The following CSMD1 variants were observed in gnomAD, a reference collection of about 807,000 sequenced individuals.
CSMD1 encodes the protein CUB and Sushi multiple domains 1, also known as CUB and sushi domain-containing protein 1.
Under a neutral mutation model 417.5 loss-of-function variants are expected in CSMD1, and 213 were observed. That is an observed-to-expected ratio of 0.51 (90% CI 0.46 to 0.57). The LOEUF is 0.57. CSMD1 is among the 20% of genes least tolerant of loss of function. The pLI, the probability that CSMD1 is intolerant of heterozygous loss-of-function variation, is 0.00. For missense variants in CSMD1, 6,923 were observed against 4,529.7 expected, an observed-to-expected ratio of 1.53 and a Z score of -15.17; for synonymous variants, 2,862 against 1,736.8, an observed-to-expected ratio of 1.65 and a Z score of -16.11.
intron 5 of CSMD1, among the ~76,000 whole-genome samples, chr8:3,941,843 C>A (rs1182979484): frequency 1.3e-5 from 2 of 152,018 alleles, no homozygotes; most frequent in African/African-American, 2.4e-5. Context: ...TTCCTTAAAC[C>A]AAAAGGGTCC....
Position 2,955,642 on chromosome 8 carries a change from T to C in CSMD1, c.9941A>G (p.His3314Arg). 1 of 1,613,942 alleles carries C rather than the reference T, an allele frequency of 6.2e-7. No individual in the cohort carries two copies. Among genetic ancestry groups the C allele is most frequent in the Non-Finnish European group, 8.5e-7 (1 of 1,179,844 alleles). Reference protein sequence around the residue: ...PGFFLAGGSEHRTCKADMKWT... With the variant: ...PGFFLAGGSERRTCKADMKWT... ...TTTCATGTCTGCTTTACATGTTCTGTGCTCAGATCCCCCTGCGAGGAAAAA... is the reference window on the plus strand; with the variant it reads ...TTTCATGTCTGCTTTACATGTTCTGCGCTCAGATCCCCCTGCGAGGAAAAA... Residue 3314 changes from histidine (H) to arginine (R), a missense_variant, in exon 64 of 70, where the codon CAC (histidine) becomes CGC (arginine). Physicochemically the swap from His to Arg is conservative, Grantham distance 29. Transcript: ENST00000635120.
chr8:4,500,277 G>A (rs1802193711), intron 2 of CSMD1, among the ~76,000 whole-genome samples: 1 of 152,158 alleles, frequency 6.6e-6, no homozygotes, highest in African/African-American at 2.4e-5. Context: ...GTCAGCGAGT[G>A]TCAATTATGC....
intron 12 of CSMD1, among the ~76,000 whole-genome samples, chr8:3,412,257 G>T (rs1812859364): frequency 6.6e-6 from 1 of 151,184 alleles, no homozygotes; most frequent in Non-Finnish European, 1.5e-5. Context: ...CATTTGGGTT[G>T]GTTCCACATT....
intron 1 of CSMD1, among the ~76,000 whole-genome samples, chr8:4,757,552 A>G (rs1172985602): frequency 6.6e-6 from 1 of 152,160 alleles, no homozygotes; most frequent in Non-Finnish European, 1.5e-5. Flanking sequence ...GGTGACACAG[A>G]CTATTCTGGA....
At chr8:3,435,067 C>A (rs1200492027) in intron 12 of CSMD1, among the ~76,000 whole-genome samples, 3 of 152,042 alleles carry the variant, frequency 2.0e-5, no homozygotes, top group African/African-American at 7.2e-5. Context: ...CTGGTGGGAG[C>A]TGCTACCTTT....
chr8:3,384,218 T>C (rs1188834802), intron 18 of CSMD1, among the ~76,000 whole-genome samples: 2 of 152,154 alleles, frequency 1.3e-5, no homozygotes, highest in African/African-American at 2.4e-5. Flanking sequence ...AAAATGGTTG[T>C]CTGAGAGATA....
intron 12 of CSMD1, among the ~76,000 whole-genome samples, chr8:3,425,644 C>T (rs942706254): frequency 2.0e-5 from 3 of 151,526 alleles, no homozygotes; most frequent in Non-Finnish European, 2.9e-5. Flanking sequence ...TGCCCTGTCC[C>T]AGCAGCAGGG....
intron 37 of CSMD1, among the ~76,000 whole-genome samples, chr8:3,173,410 A>G (rs1350419237): frequency 6.6e-6 from 1 of 152,222 alleles, no homozygotes; most frequent in Admixed American, 6.5e-5. Context: ...TGAGAGAGAC[A>G]TGAATAATCT....
chr8:3,519,148 C>A (rs1055003611), intron 10 of CSMD1, among the ~76,000 whole-genome samples: 1 of 152,118 alleles, frequency 6.6e-6, no homozygotes, highest in Non-Finnish European at 1.5e-5. Flanking sequence ...AAAAACATAC[C>A]TATTTAATAA....
intron 1 of CSMD1, among the ~76,000 whole-genome samples, chr8:4,988,828 G>A (rs10088814): frequency 2.6e-5 from 4 of 152,140 alleles, no homozygotes; most frequent in African/African-American, 9.7e-5. Flanking sequence ...TCTGCTGGAG[G>A]GAAAAAACAA....
At chr8:4,842,273 C>G (rs144024060) in intron 1 of CSMD1, among the ~76,000 whole-genome samples, 12 of 152,268 alleles carry the variant, frequency 7.9e-5, no homozygotes, top group African/African-American at 2.6e-4. Context: ...TATGAATCTT[C>G]CAGATGCATT....
intron 5 of CSMD1, among the ~76,000 whole-genome samples, chr8:3,984,629 A>G (rs1421480125): frequency 8.7e-5 from 13 of 149,372 alleles, no homozygotes; most frequent in Admixed American, 8.1e-4. Context: ...TTTCATTTGA[A>G]CAAAATGCCA....
chr8:3,561,876 C>A (rs2116864746), intron 10 of CSMD1, among the ~76,000 whole-genome samples: 1 of 152,296 alleles, frequency 6.6e-6, no homozygotes, highest in Admixed American at 6.5e-5. Flanking sequence ...CAGGGGCTAG[C>A]ATTCACAGAC....
chr8:4,813,573 T>A (rs1486834088), intron 1 of CSMD1, among the ~76,000 whole-genome samples: 1 of 152,156 alleles, frequency 6.6e-6, no homozygotes, highest in East Asian at 1.9e-4. Context: ...TAGAGAAACA[T>A]GTTCATCAAA....
At chr8:4,275,380 T>C (rs1367503350) in intron 3 of CSMD1, among the ~76,000 whole-genome samples, 1 of 152,198 alleles carries the variant, frequency 6.6e-6, no homozygotes, top group African/African-American at 2.4e-5. Flanking sequence ...AGGAATCATC[T>C]TTAATGTTTT....
At chr8:4,450,527 T>G (rs575844004) in intron 2 of CSMD1, among the ~76,000 whole-genome samples, 3 of 152,166 alleles carry the variant, frequency 2.0e-5, no homozygotes, top group South Asian at 2.1e-4. Flanking sequence ...GCCAGCTACT[T>G]GGGAGGCTGA....
Position 3,541,497 on chromosome 8 carries a change from C to G in CSMD1, c.1344+33448G>C, listed in dbSNP as rs556136507. ...GTTCATGTTTACCGAAATAACAAAT[C>G]TGCACCTCCTGCACATCTATTCTGG... is the stretch of plus-strand genomic sequence containing the variant. On this transcript the variant is annotated intron_variant, in intron 10 of 69. Coordinates refer to ENST00000635120, the MANE Select transcript of CSMD1 (RefSeq NM_033225.6). 4.5e-4 allele frequency among the ~76,000 whole-genome samples: 68 copies of G among 151,696 alleles called. 1 individual carries two copies. The South Asian group carries it at 0.011, about 24-fold the overall frequency.
intron 18 of CSMD1, among the ~76,000 whole-genome samples, chr8:3,384,833 G>C (rs1232463727): frequency 7.7e-5 from 9 of 116,778 alleles, no homozygotes; most frequent in Non-Finnish European, 1.3e-4. Flanking sequence ...AAATAAAATA[G>C]TATACATATT....
chr8:2,992,500 T>G (rs1563214325), intron 54 of CSMD1, among the ~76,000 whole-genome samples: 1 of 151,984 alleles, frequency 6.6e-6, no homozygotes, highest in Non-Finnish European at 1.5e-5. Context: ...CTTGGCTCAC[T>G]GCAACCTCTG....
Sources: allele counts gnomAD v4.1 joint callset (sites outside exome capture counted in the v4.1 genomes callset), GRCh38; gene constraint gnomAD v4.1.1; transcripts MANE v1.5; gene names NCBI Gene and HGNC (gene_info 2026-07-23, HGNC 2026-07-21).